The following VIL1 variants were observed in gnomAD, a reference collection of about 807,000 sequenced individuals.
The protein encoded by VIL1 is villin 1.
In VIL1, 86 loss-of-function variants were observed where a neutral mutation model predicts 104.0. The ratio of observed to expected loss-of-function variants is 0.83; its 90% CI spans 0.69 to 0.99. The LOEUF is 0.99. Ranked by LOEUF, VIL1 falls within the 50% of genes least tolerant of loss-of-function variation. The pLI, the probability that VIL1 is intolerant of heterozygous loss-of-function variation, is 0.00. For synonymous variants in VIL1, 394 were observed against 412.6 expected, an observed-to-expected ratio of 0.95 and a Z score of 0.55; for missense variants, 944 against 1,054.1, an observed-to-expected ratio of 0.90 and a Z score of 1.45.
chr2:218,430,532 C>A (rs940175993), intron 9 of VIL1, among the ~76,000 whole-genome samples, 193 bp from the exon 10 acceptor site: 1 of 151,978 alleles, frequency 6.6e-6, no homozygotes, highest in Admixed American at 6.6e-5. Flanking sequence ...CAGGCGGTAT[C>A]AGATTTGACC....
At chr2:218,426,461 A>G (rs940993979) in intron 4 of VIL1, among the ~76,000 whole-genome samples, 1 of 151,552 alleles carries the variant, frequency 6.6e-6, no homozygotes, top group Non-Finnish European at 1.5e-5. Flanking sequence ...CACCACGGGC[A>G]GGCTGATCTC....
At position 218,435,468 on chromosome 2, in the gene VIL1, A is replaced by C. The variant is rs760339885; in HGVS notation, c.1826+34A>C. ...CAGGTCCCTCCGCCTCCAGGTTACC[A>C]AGGTGGGGGAGCCGCCCAGCATCTC... On this transcript the variant is annotated intron_variant, in intron 15 of 19. Transcript: ENST00000248444. 104 of 1,605,844 alleles carry C rather than the reference A, an allele frequency of 6.5e-5. 1 individual carries two copies. The East Asian group carries it at 2.2e-3, about 34-fold the overall frequency.
At chr2:218,419,973 C>T (rs1688871538) in intron 1 of VIL1, among the ~76,000 whole-genome samples, 1 of 152,200 alleles carries the variant, frequency 6.6e-6, no homozygotes, top group Non-Finnish European at 1.5e-5. Flanking sequence ...TATCATGAGC[C>T]TGGGAAGCAG....
intron 4 of VIL1, among the ~76,000 whole-genome samples, chr2:218,427,755 C>A (rs920207436): frequency 6.6e-6 from 1 of 152,120 alleles, no homozygotes; most frequent in Admixed American, 6.5e-5. Flanking sequence ...CTGTCAGGGT[C>A]GTGCAAGGGC....
Position 218,429,389 on chromosome 2 carries a change from G to A in VIL1, c.672G>A (p.Glu224=), listed in dbSNP as rs1161093620. ...ENELASPKLM[E]VMNHVLGKRR... is the part of the protein sequence containing the mutation. ...AATTGGCATCCCCGAAGCTGATGGAGGTGATGAACCACGTGCTGGGCAAGC... is the reference window on the plus strand; with the variant it reads ...AATTGGCATCCCCGAAGCTGATGGAAGTGATGAACCACGTGCTGGGCAAGC... The change falls in exon 7 of 20, where the codon GAG becomes GAA. Residue 224 remains glutamate (E), a synonymous_variant. Coordinates refer to ENST00000248444, the MANE Select transcript of VIL1 (RefSeq NM_007127.3). 6.2e-7 allele frequency: 1 copy of A among 1,614,160 alleles called. No individual in the cohort carries two copies.
rs909986491 is a variant in VIL1, at chr2:218,449,813, T to C, written c.*477T>C. Reference sequence around the variant, plus strand: ...TTACTCAGTGGGTAAGTTAAAGGGCTGAAGGAGAGTTGAATGGTCCACAAG... The same window carrying C: ...TTACTCAGTGGGTAAGTTAAAGGGCCGAAGGAGAGTTGAATGGTCCACAAG... On this transcript the variant is annotated 3_prime_UTR_variant, in exon 20 of 20. Transcript: ENST00000248444. The C allele has an allele frequency of 2.4e-5, 4 of 165,228 alleles. No individual in the cohort carries two copies. Among genetic ancestry groups the C allele is most frequent in the African/African-American group, 9.6e-5 (4 of 41,744 alleles). The allele number at this position is 165,228 out of a possible 1,614,324, so 10.2% of individuals were successfully genotyped here. A position where few individuals can be genotyped will look rare whatever the true frequency, so the allele number is the denominator to read the frequency against.
intron 1 of VIL1, among the ~76,000 whole-genome samples, chr2:218,421,981 C>G (rs990246034): frequency 6.6e-6 from 1 of 152,090 alleles, no homozygotes; most frequent in Non-Finnish European, 1.5e-5. Flanking sequence ...GGGCCCGGCG[C>G]GGTGGCTCAC....
intron 1 of VIL1, among the ~76,000 whole-genome samples, chr2:218,419,928 G>C (rs900949222): frequency 2.6e-5 from 4 of 152,220 alleles, no homozygotes; most frequent in Non-Finnish European, 5.9e-5. Flanking sequence ...GAGCCTTTGG[G>C]CTGGAGGGTC....
intron 18 of VIL1, among the ~76,000 whole-genome samples, chr2:218,440,401 A>G (rs551254304): frequency 2.8e-4 from 42 of 152,130 alleles, no homozygotes; most frequent in African/African-American, 9.4e-4. Flanking sequence ...TCCTGAGTAG[A>G]TGGGATTACA....
chr2:218,437,169 G>T lies in VIL1; in HGVS notation c.2017G>T (p.Ala673Ser), dbSNP rs1351286635. 2 of 1,614,036 alleles carry T rather than the reference G, an allele frequency of 1.2e-6. No individual in the cohort carries two copies. Among genetic ancestry groups the T allele is most frequent in the African/African-American group, 2.7e-5 (2 of 74,914 alleles). The change falls in exon 17 of 20, where the codon GCC (alanine) becomes TCC (serine). Residue 673 changes from alanine to serine, a missense_variant. Ala to Ser is a moderately conservative substitution (Grantham distance 99, BLOSUM62 1). Transcript: ENST00000248444. ...ACATGCCAACGAGGAGGAGAAGAAG[G>T]CCGCAGCAACCACTGCACAGGAATA... ...GKHANEEEKK[A>S]AATTAQEYLK... is the part of the protein sequence containing the mutation.
chr2:218,440,935 C>T (rs572526605), intron 19 of VIL1, 73 bp downstream of exon 19: 65 of 1,571,946 alleles, frequency 4.1e-5, no homozygotes, highest in Non-Finnish European at 5.4e-5. Context: ...CAGATTTGGC[C>T]CTGCAGGTGA....
At chr2:218,432,010 G>A in intron 11 of VIL1, 36 bp from the exon 12 acceptor site, 1 of 1,614,070 alleles carries the variant, frequency 6.2e-7, no homozygotes, top group Non-Finnish European at 8.5e-7. Context: ...GGTGGAGCCT[G>A]TCCTGGACCT....
At chr2:218,445,429 C>A (rs1689348685) in intron 19 of VIL1, among the ~76,000 whole-genome samples, 2 of 151,952 alleles carry the variant, frequency 1.3e-5, no homozygotes, top group Admixed American at 6.6e-5. Flanking sequence ...ACAAAAAGAA[C>A]CCCCAAACCA....
intron 18 of VIL1, among the ~76,000 whole-genome samples, chr2:218,439,484 T>C (rs142856284): frequency 6.6e-6 from 1 of 152,190 alleles, no homozygotes; most frequent in East Asian, 1.9e-4. Context: ...CTTCTCTAGG[T>C]AGAATAACTA....
intron 5 of VIL1, 54 bp from the exon 6 acceptor site, chr2:218,428,173 A>G (rs1689035869): frequency 6.2e-7 from 1 of 1,602,784 alleles, no homozygotes. Flanking sequence ...GGCCAAGATG[A>G]TGGATGATAG....
chr2:218,426,326 C>G (rs1326846130), intron 4 of VIL1, among the ~76,000 whole-genome samples: 1 of 151,978 alleles, frequency 6.6e-6, no homozygotes, highest in Non-Finnish European at 1.5e-5. Context: ...ACAGTCTTGG[C>G]TCACTGCAAA....
chr2:218,424,007 G>A (rs938994787), intron 2 of VIL1, among the ~76,000 whole-genome samples, 154 bp downstream of exon 2: 3 of 152,050 alleles, frequency 2.0e-5, no homozygotes, highest in African/African-American at 4.8e-5. Context: ...TCCACACCCC[G>A]GCTGGTCTCC....
At position 218,430,742 on chromosome 2, in the gene VIL1, G is replaced by A; in HGVS notation, c.966G>A (p.Lys322=). Residue 322 remains lysine (K), a synonymous_variant, in exon 10 of 20, where the codon AAG becomes AAA. Transcript: ENST00000248444. The part of the protein sequence containing the change: ...MSHALNFIKA[K]QYPPSTQVEV... ...TCTTCCAGAACTTCATCAAAGCCAAGCAGTACCCACCAAGCACACAGGTGG... is the reference window on the plus strand; with the variant it reads ...TCTTCCAGAACTTCATCAAAGCCAAACAGTACCCACCAAGCACACAGGTGG... 1.2e-6 allele frequency: 2 copies of A among 1,603,408 alleles called. No homozygotes were observed. Among genetic ancestry groups the A allele is most frequent in the Non-Finnish European group, 1.7e-6 (2 of 1,174,170 alleles).
intron 3 of VIL1, among the ~76,000 whole-genome samples, chr2:218,425,414 G>A (rs1295523185): frequency 2.6e-5 from 4 of 152,202 alleles, no homozygotes; most frequent in Admixed American, 2.0e-4. Context: ...GGCAAGGGAG[G>A]CCCAGAGAGG....
Sources: allele counts gnomAD v4.1 joint callset (sites outside exome capture counted in the v4.1 genomes callset), GRCh38; gene constraint gnomAD v4.1.1; transcripts MANE v1.5; gene names NCBI Gene and HGNC (gene_info 2026-07-23, HGNC 2026-07-21).